Variants in HS3ST3A1 observed in about 807,000 individuals in gnomAD.
HS3ST3A1 encodes heparan sulfate glucosamine 3-O-sulfotransferase 3A1.
In HS3ST3A1, 19 loss-of-function variants were observed where a neutral mutation model predicts 25.7. The ratio of observed to expected loss-of-function variants is 0.74; its 90% confidence interval spans 0.52 to 1.08. The LOEUF is 1.08. Among genes scored for constraint, HS3ST3A1 ranks in the 50% least tolerant of loss-of-function variants. HS3ST3A1 has a pLI of 0.00. For missense variants in HS3ST3A1, 459 were observed against 594.3 expected (o/e 0.77, Z 2.37); for synonymous variants, 226 against 278.6 (o/e 0.81, Z 1.88).
chr17:13,592,639 A>G (rs563400298), intron 1 of HS3ST3A1, among the ~76,000 whole-genome samples: 1 of 152,266 alleles, frequency 6.6e-6, no homozygotes, highest in Admixed American at 6.5e-5. Flanking sequence ...GAACGATTCA[A>G]AGAAAATACT....
chr17:13,559,804 G>A (rs1315263723), intron 1 of HS3ST3A1, among the ~76,000 whole-genome samples: 4 of 151,822 alleles, frequency 2.6e-5, no homozygotes, highest in Admixed American at 2.0e-4. Context: ...GGGGCAATGT[G>A]TAAATACACA....
At chr17:13,532,781 G>A (rs868363021) in intron 1 of HS3ST3A1, among the ~76,000 whole-genome samples, 1 of 151,876 alleles carries the variant, frequency 6.6e-6, no homozygotes, top group Non-Finnish European at 1.5e-5. Context: ...CAGGATTCAG[G>A]TTCTGGTGTT....
intron 1 of HS3ST3A1, among the ~76,000 whole-genome samples, chr17:13,564,649 G>T (rs918468170): frequency 6.6e-6 from 1 of 151,492 alleles, no homozygotes; most frequent in Non-Finnish European, 1.5e-5. Context: ...GCTGGAGATT[G>T]GTTGAATCCC....
intron 1 of HS3ST3A1, among the ~76,000 whole-genome samples, chr17:13,555,029 C>T (rs1382322940): frequency 1.3e-5 from 2 of 152,276 alleles, no homozygotes; most frequent in Non-Finnish European, 2.9e-5. Flanking sequence ...AACTCACAGA[C>T]ATTTCAGTCT....
rs141495303 is a variant in HS3ST3A1, at chr17:13,558,526, G to A, written c.599+42005C>T. ...AAGTAAGAAAGCAAATGATAAAAAT[G>A]TTAAAAAAGATGATTATCTCGAGCG... On this transcript the variant is annotated intron_variant, in intron 1 of 1. Transcript: ENST00000284110. Among the ~76,000 whole-genome samples, 8 of 152,228 alleles carry A rather than the reference G, an allele frequency of 5.3e-5. No homozygotes were observed. The East Asian group carries it at 1.5e-3, about 29-fold the overall frequency.
chr17:13,572,268 T>A (rs1297053938), intron 1 of HS3ST3A1, among the ~76,000 whole-genome samples: 1 of 152,182 alleles, frequency 6.6e-6, no homozygotes, highest in African/African-American at 2.4e-5. Context: ...GAGAGGATAA[T>A]ACTGAGTCCT....
At chr17:13,539,085 G>A (rs773199219) in intron 1 of HS3ST3A1, among the ~76,000 whole-genome samples, 11 of 152,174 alleles carry the variant, frequency 7.2e-5, no homozygotes, top group Non-Finnish European at 1.6e-4. Context: ...GTCCTCAGCT[G>A]TGGTGGCTGA....
chr17:13,571,077 T>C (rs887118053), intron 1 of HS3ST3A1, among the ~76,000 whole-genome samples: 1 of 152,130 alleles, frequency 6.6e-6, no homozygotes, highest in South Asian at 2.1e-4. Context: ...TACAAATTCA[T>C]GCGTAGTTAG....
At chr17:13,590,076 G>A (rs1451024495) in intron 1 of HS3ST3A1, among the ~76,000 whole-genome samples, 3 of 151,968 alleles carry the variant, frequency 2.0e-5, no homozygotes, top group African/African-American at 7.2e-5. Flanking sequence ...CTGAACACTC[G>A]AGAGAGAAAA....
At chr17:13,532,219 A>G (rs559865962) in intron 1 of HS3ST3A1, among the ~76,000 whole-genome samples, 2 of 152,106 alleles carry the variant, frequency 1.3e-5, no homozygotes, top group Non-Finnish European at 2.9e-5. Context: ...AGGATCTTCT[A>G]CACATCTCTT....
At chr17:13,519,094 G>A (rs1450298539) in intron 1 of HS3ST3A1, among the ~76,000 whole-genome samples, 3 of 152,178 alleles carry the variant, frequency 2.0e-5, no homozygotes, top group Non-Finnish European at 4.4e-5. Flanking sequence ...TGGAATGGGT[G>A]GTTAACATTG....
chr17:13,571,238 T>A (rs1355750112), intron 1 of HS3ST3A1, among the ~76,000 whole-genome samples: 1 of 152,142 alleles, frequency 6.6e-6, no homozygotes, highest in Non-Finnish European at 1.5e-5. Context: ...GAATTCCAGA[T>A]AAAAATCCCC....
At chr17:13,593,233 C>CAAAAAAAAAAAAAAAAA (rs5819419) in intron 1 of HS3ST3A1, among the ~76,000 whole-genome samples, 6 of 103,184 alleles carry the variant, frequency 5.8e-5, no homozygotes, top group African/African-American at 1.4e-4. Context: ...TGTTTGTAGC[C>CAAAAAAAAAAAAAAAAA]AAAAAAAAAA....
chr17:13,601,282 G>A lies in HS3ST3A1; in HGVS notation c.-153C>T. 1.8e-6 allele frequency: 1 copy of A among 562,696 alleles called. No homozygotes were observed. Among genetic ancestry groups the A allele is most frequent in the Non-Finnish European group, 2.9e-6 (1 of 343,302 alleles). The allele number at this position is 562,696 out of a possible 1,614,324, so 34.9% of individuals were successfully genotyped here. The stretch of plus-strand genomic sequence containing the variant: ...GTGCGAACTGTCCCGGGAGGCAGCG[G>A]CCGGGGCTCCGCGGGGAAACGGAAT... On this transcript the variant is annotated 5_prime_UTR_variant, in exon 1 of 2. Coordinates refer to ENST00000284110, the MANE Select transcript of HS3ST3A1 (RefSeq NM_006042.3).
chr17:13,555,362 A>G (rs1907345075), intron 1 of HS3ST3A1, among the ~76,000 whole-genome samples: 1 of 152,172 alleles, frequency 6.6e-6, no homozygotes, highest in Non-Finnish European at 1.5e-5. Flanking sequence ...CATTAAACCC[A>G]TTTCACTTAC....
At position 13,505,588 on chromosome 17, in the gene HS3ST3A1, A is replaced by G. The variant is rs568818178; in HGVS notation, c.600-8770T>C. On this transcript the variant is annotated intron_variant, in intron 1 of 1. Coordinates refer to ENST00000284110, the MANE Select transcript of HS3ST3A1 (RefSeq NM_006042.3). Reference sequence around the variant, plus strand: ...GTGGGTGAGGACAAAAGGAATATTTAGAGTATAATCGGTGAGGCTAGATAG... The same window carrying G: ...GTGGGTGAGGACAAAAGGAATATTTGGAGTATAATCGGTGAGGCTAGATAG... 2.6e-5 allele frequency among the ~76,000 whole-genome samples: 4 copies of G among 152,192 alleles called. No individual in the cohort carries two copies. In the South Asian group the frequency reaches 8.3e-4, roughly 32 times the overall value.
chr17:13,520,602 ATTTC>A (rs769388786), intron 1 of HS3ST3A1, among the ~76,000 whole-genome samples: 10 of 151,508 alleles, frequency 6.6e-5, no homozygotes, highest in South Asian at 2.1e-4. Context: ...AAATATTTTC[ATTTC>A]TTTCTTTCTT....
chr17:13,561,003 GCTT>G (rs1388291862), intron 1 of HS3ST3A1, among the ~76,000 whole-genome samples: 1 of 152,178 alleles, frequency 6.6e-6, no homozygotes, highest in Non-Finnish European at 1.5e-5. Context: ...GAAACACATT[GCTT>G]CCATCTCCCT....
chr17:13,554,893 C>T (rs1907331355), intron 1 of HS3ST3A1, among the ~76,000 whole-genome samples: 1 of 152,070 alleles, frequency 6.6e-6, no homozygotes, highest in Admixed American at 6.6e-5. Flanking sequence ...AATTATCTCC[C>T]CACAGGCAGA....
Sources: allele counts gnomAD v4.1 joint callset (sites outside exome capture counted in the v4.1 genomes callset), GRCh38; gene constraint gnomAD v4.1.1; transcripts MANE v1.5; gene names NCBI Gene and HGNC (gene_info 2026-07-23, HGNC 2026-07-21).